Variants in SHROOM4 observed in about 807,000 individuals in gnomAD.
The protein encoded by SHROOM4 is shroom family member 4.
A neutral mutation model predicts 80.3 loss-of-function variants in SHROOM4; 17 were observed. The observed-to-expected ratio is 0.21, with a 90% CI of 0.14 to 0.32. The LOEUF (loss-of-function observed/expected upper bound fraction) is 0.32. Among genes scored for constraint, SHROOM4 ranks in the 10% least tolerant of loss-of-function variants. The pLI, the probability that SHROOM4 is intolerant of heterozygous loss-of-function variation, is 1.00. For missense variants in SHROOM4, 993 were observed against 1,140.3 expected, an observed-to-expected ratio of 0.87 and a Z score of 1.86; for synonymous variants, 400 against 437.5, an observed-to-expected ratio of 0.91 and a Z score of 1.07.
chrX:50,797,619 C>T (rs1483861606), intron 1 of SHROOM4, among the ~76,000 whole-genome samples: 1 of 111,251 alleles, frequency 9.0e-6, no homozygotes, highest in East Asian at 2.8e-4. Context: ...TTTTAAACCA[C>T]ATAACTACAT....
chrX:50,637,799 C>T (rs1363918507), intron 3 of SHROOM4, among the ~76,000 whole-genome samples: 3 of 112,028 alleles, frequency 2.7e-5, no homozygotes, highest in Non-Finnish European at 5.6e-5. Flanking sequence ...CAGTGAGTCG[C>T]CATTGACAGA....
At chrX:50,650,908 A>G (rs1405958844) in intron 2 of SHROOM4, among the ~76,000 whole-genome samples, 1 of 111,662 alleles carries the variant, frequency 9.0e-6, no homozygotes, top group Non-Finnish European at 1.9e-5. Flanking sequence ...TTGTCTTACT[A>G]TTTTTTAAAA....
intron 2 of SHROOM4, among the ~76,000 whole-genome samples, chrX:50,677,369 G>A (rs1175611420): frequency 9.0e-6 from 1 of 111,146 alleles, no homozygotes; most frequent in Non-Finnish European, 1.9e-5. Context: ...AATTGCCAGT[G>A]GTTTTGGTTA....
chrX:50,579,802 G>T, the SHROOM4 span, among the ~76,000 whole-genome samples: 1 of 111,445 alleles, frequency 9.0e-6, no homozygotes. Flanking sequence ...GCTTGCCTTT[G>T]GGTGGTGTCT....
chrX:50,805,171 T>C (rs782504078), intron 1 of SHROOM4, among the ~76,000 whole-genome samples: 1 of 111,608 alleles, frequency 9.0e-6, no homozygotes, highest in Non-Finnish European at 1.9e-5. Flanking sequence ...CTCTCATAAG[T>C]AAAGATGGGG....
intron 1 of SHROOM4, among the ~76,000 whole-genome samples, chrX:50,778,000 C>A (rs1456755578): frequency 2.7e-5 from 3 of 111,599 alleles, no homozygotes; most frequent in African/African-American, 9.8e-5. Context: ...TTCTTAAAGC[C>A]AGGGCTTCCT....
chrX:50,724,621 C>T lies in SHROOM4; in HGVS notation c.118-28684G>A, dbSNP rs1557265756. ...CTGGGATGACAGGCATGCGCCACCACACCTGGCTTATTTTATTTTATTTTA... is the reference window on the plus strand; with the variant it reads ...CTGGGATGACAGGCATGCGCCACCATACCTGGCTTATTTTATTTTATTTTA... On this transcript the variant is annotated intron_variant, in intron 1 of 8. Coordinates refer to ENST00000376020, the MANE Select transcript of SHROOM4 (RefSeq NM_020717.5). Among the ~76,000 whole-genome samples the T allele has an allele frequency of 2.7e-5, 3 of 112,121 alleles. No individual in the cohort carries two copies. The East Asian group carries it at 8.4e-4, about 31-fold the overall frequency.
chrX:50,627,467 G>A (rs1930848772), intron 5 of SHROOM4, 147 bp downstream of exon 5: 2 of 547,358 alleles, frequency 3.7e-6, no homozygotes, highest in Admixed American at 5.4e-5. Flanking sequence ...CAGGGGGACA[G>A]GCTGAATTAT....
intron 4 of SHROOM4, 36 bp from the exon 5 acceptor site, chrX:50,627,711 G>A (rs782373259): frequency 8.9e-7 from 1 of 1,126,466 alleles, no homozygotes; most frequent in Non-Finnish European, 1.2e-6. Flanking sequence ...AGAAAGCTTT[G>A]AGCAGCCAGG....
chrX:50,801,261 G>GGAGAGAGAGAGAGA (rs781878531), intron 1 of SHROOM4, among the ~76,000 whole-genome samples: 6,187 of 81,371 alleles, frequency 0.076, 415 homozygotes, highest in Admixed American at 0.18. Context: ...GAGAGAAAGA[G>GGAGAGAGAGAGAGA]GAGAGAGAGA....
intron 2 of SHROOM4, among the ~76,000 whole-genome samples, chrX:50,641,677 A>G (rs1421622499): frequency 6.3e-5 from 7 of 111,194 alleles, no homozygotes; most frequent in African/African-American, 2.3e-4. Context: ...CAATGGCACA[A>G]TCTTGGCTGA....
chrX:50,634,677 C>T lies in SHROOM4; in HGVS notation c.1396G>A (p.Gly466Arg). The change falls in exon 4 of 9, where the codon GGA becomes AGA. Residue 466 changes from glycine (G) to arginine (R), a missense_variant. Coordinates refer to ENST00000376020, the MANE Select transcript of SHROOM4 (RefSeq NM_020717.5). ...TCTTTGCTGGACTGGTCATGGGTTC[C>T]TCCTGTAGGGGGGCATGGACTTTTC... is the stretch of plus-strand genomic sequence containing the variant. The part of the protein sequence containing the change: ...GKKSPCPPTG[G>R]THDQSSKERK... 1 of 1,211,910 alleles carries T rather than the reference C, an allele frequency of 8.3e-7. No homozygotes were observed. The highest frequency in any genetic ancestry group is 1.1e-6 in the Non-Finnish European group (1 of 895,587).
chrX:50,734,935 C>T (rs1934450712), intron 1 of SHROOM4, among the ~76,000 whole-genome samples: 1 of 110,034 alleles, frequency 9.1e-6, no homozygotes, highest in South Asian at 4.0e-4. Flanking sequence ...CTTTGCTCTT[C>T]CTTCATCTTC....
rs182458721 is a variant in SHROOM4 at position 50,803,475 on chromosome X, C to G, written c.117+10427G>C. ...ACTGGTCTCAGTCTTCTGTCTGTGT[C>G]TTTAGGACATGCAGTGCTTGTAGTA... On this transcript the variant is annotated intron_variant, in intron 1 of 8. Transcript: ENST00000376020. Among the ~76,000 whole-genome samples the G allele has an allele frequency of 2.3e-3, 262 of 112,144 alleles. 1 individual carries two copies. The highest frequency in any genetic ancestry group is 7.1e-3 in the African/African-American group (220 of 30,916).
chrX:50,788,702 G>A (rs1935799042), intron 1 of SHROOM4, among the ~76,000 whole-genome samples: 1 of 111,534 alleles, frequency 9.0e-6, no homozygotes. Flanking sequence ...AATATAAATG[G>A]GTTGACTCCC....
intron 1 of SHROOM4, among the ~76,000 whole-genome samples, chrX:50,751,345 G>A (rs1232135449): frequency 8.9e-6 from 1 of 112,027 alleles, no homozygotes; most frequent in African/African-American, 3.2e-5. Flanking sequence ...CTCAGCTATA[G>A]CTCCTGGGGG....
intron 1 of SHROOM4, among the ~76,000 whole-genome samples, chrX:50,732,287 T>C (rs1934391461): frequency 9.0e-6 from 1 of 111,069 alleles, no homozygotes; most frequent in South Asian, 3.8e-4. Context: ...AGGGGTAAAC[T>C]TCACTAAAAT....
At chrX:50,651,863 T>C (rs782686499) in intron 2 of SHROOM4, among the ~76,000 whole-genome samples, 12 of 110,935 alleles carry the variant, frequency 1.1e-4, no homozygotes, top group African/African-American at 3.9e-4. Flanking sequence ...TTAGTTTACC[T>C]AGAATGATGG....
intron 5 of SHROOM4, among the ~76,000 whole-genome samples, chrX:50,626,565 C>T (rs781870679): frequency 3.6e-5 from 4 of 111,508 alleles, no homozygotes; most frequent in African/African-American, 9.8e-5. Context: ...TGAGCCTGTT[C>T]GAATTGCAGG....
Sources: allele counts gnomAD v4.1 joint callset (sites outside exome capture counted in the v4.1 genomes callset), GRCh38; gene constraint gnomAD v4.1.1; transcripts MANE v1.5; gene names NCBI Gene and HGNC (gene_info 2026-07-23, HGNC 2026-07-21).